Variants in PCDH15 observed in about 807,000 individuals in gnomAD.
PCDH15 encodes protocadherin related 15, also known as protocadherin-15.
Under a neutral mutation model 178.5 loss-of-function variants are expected in PCDH15, and 129 were observed. That is an observed-to-expected ratio of 0.72 (90% CI 0.63 to 0.84). The LOEUF is 0.84. Among genes scored for constraint, PCDH15 ranks in the 40% least tolerant of loss-of-function variants. The probability of loss-of-function intolerance (pLI) is 0.00; values close to 1 mark genes in which losing one functional copy is unlikely to be tolerated. For synonymous variants in PCDH15, 800 were observed against 732.0 expected (o/e 1.09, Z -1.50); for missense variants, 2,230 against 2,099.9 (o/e 1.06, Z -1.21).
chr10:54,337,855 G>A (rs1941488544), intron 6 of PCDH15, among the ~76,000 whole-genome samples: 1 of 152,104 alleles, frequency 6.6e-6, no homozygotes, highest in African/African-American at 2.4e-5. Flanking sequence ...AACCTGGGTG[G>A]GAACTATAGC....
intron 3 of PCDH15, among the ~76,000 whole-genome samples, chr10:54,462,512 C>CTTTTTTTTTTTTTTTTTTTT (rs562731025): frequency 7.5e-5 from 5 of 66,882 alleles, no homozygotes; most frequent in Non-Finnish European, 7.5e-5. Context: ...TTTTTCTTTT[C>CTTTTTTTTTTTTTTTTTTTT]TTTTTTTTTT....
intron 2 of PCDH15, among the ~76,000 whole-genome samples, chr10:54,902,176 TAATC>T (rs1286934338): frequency 1.3e-5 from 2 of 152,208 alleles, no homozygotes; most frequent in East Asian, 1.9e-4. Context: ...TTGTTGGACT[TAATC>T]AATAAGCTCT....
intron 2 of PCDH15, among the ~76,000 whole-genome samples, chr10:55,395,278 CTT>C (rs1334609507): frequency 6.6e-6 from 1 of 151,030 alleles, no homozygotes; most frequent in African/African-American, 2.4e-5. Context: ...TGGGTTCTAA[CTT>C]TAATGCGTTA....
At chr10:55,115,983 C>T (rs921817976) in intron 2 of PCDH15, among the ~76,000 whole-genome samples, 2 of 152,162 alleles carry the variant, frequency 1.3e-5, no homozygotes, top group African/African-American at 4.8e-5. Context: ...AATAGTCCTA[C>T]AGGTATCTAC....
At chr10:55,463,975 G>T (rs867705942) in intron 2 of PCDH15, among the ~76,000 whole-genome samples, 1 of 18,254 alleles carries the variant, frequency 5.5e-5, no homozygotes, top group African/African-American at 5.4e-4. Context: ...GAAAGAAAGA[G>T]AAAGAAAGAA....
At chr10:54,785,842 T>A (rs144271642) in intron 1 of PCDH15, among the ~76,000 whole-genome samples, 146 of 152,078 alleles carry the variant, frequency 9.6e-4, no homozygotes, top group African/African-American at 3.4e-3. Context: ...ACTTATATCT[T>A]CATCACCATC....
At chr10:55,575,867 A>G (rs1842488572) in intron 2 of PCDH15, among the ~76,000 whole-genome samples, 1 of 152,190 alleles carries the variant, frequency 6.6e-6, no homozygotes, top group Non-Finnish European at 1.5e-5. Flanking sequence ...CAGAAAGAAC[A>G]AAACCAAATA....
At chr10:54,152,303 A>G (rs895934469) in intron 14 of PCDH15, among the ~76,000 whole-genome samples, 10 of 152,212 alleles carry the variant, frequency 6.6e-5, no homozygotes, top group Non-Finnish European at 1.3e-4. Context: ...TGAGTGTTAA[A>G]TATTTCTCCA....
intron 2 of PCDH15, among the ~76,000 whole-genome samples, chr10:55,578,586 A>G (rs925650765): frequency 6.6e-6 from 1 of 152,198 alleles, no homozygotes; most frequent in African/African-American, 2.4e-5. Context: ...AATTATACCA[A>G]CCGCACTTTC....
At chr10:54,161,052 GTA>G (rs1159940347) in intron 13 of PCDH15, among the ~76,000 whole-genome samples, 1 of 151,998 alleles carries the variant, frequency 6.6e-6, no homozygotes, top group East Asian at 1.9e-4. Context: ...ACATATATGT[GTA>G]TATATATGTG....
intron 28 of PCDH15, among the ~76,000 whole-genome samples, chr10:53,847,911 TAAAAC>T (rs1470578049): frequency 6.6e-6 from 1 of 152,068 alleles, no homozygotes; most frequent in African/African-American, 2.4e-5. Context: ...GGTAGAAAAT[TAAAAC>T]AAAATTAAAT....
chr10:54,052,934 G>C (rs539953967), intron 18 of PCDH15, among the ~76,000 whole-genome samples: 1 of 152,038 alleles, frequency 6.6e-6, no homozygotes, highest in African/African-American at 2.4e-5. Flanking sequence ...TCCCCGCTTC[G>C]CTCTGAACCT....
chr10:55,416,702 G>C (rs1386739939), intron 2 of PCDH15, among the ~76,000 whole-genome samples: 2 of 151,746 alleles, frequency 1.3e-5, no homozygotes, highest in African/African-American at 4.8e-5. Context: ...TTTGCTGCTG[G>C]GTTAAAGTTA....
chr10:54,083,947 C>A (rs979005549), intron 16 of PCDH15, among the ~76,000 whole-genome samples: 2 of 151,972 alleles, frequency 1.3e-5, no homozygotes, highest in African/African-American at 4.8e-5. Context: ...AAAATTTGGC[C>A]AGGCGCGGTG....
At chr10:54,667,372 C>T (rs994628589) in intron 1 of PCDH15, among the ~76,000 whole-genome samples, 3 of 151,946 alleles carry the variant, frequency 2.0e-5, no homozygotes, top group Non-Finnish European at 4.4e-5. Flanking sequence ...GAAAAGGTAC[C>T]TCCCACAAAG....
intron 15 of PCDH15, among the ~76,000 whole-genome samples, chr10:54,109,011 A>T (rs1279106381): frequency 3.3e-5 from 5 of 152,178 alleles, no homozygotes; most frequent in African/African-American, 4.8e-5. Flanking sequence ...ACCAGCAGTG[A>T]TACCCAGGTA....
intron 2 of PCDH15, among the ~76,000 whole-genome samples, chr10:55,522,879 G>C (rs1204052595): frequency 2.6e-5 from 4 of 150,950 alleles, no homozygotes; most frequent in Non-Finnish European, 4.4e-5. Context: ...TAGTTTCTTT[G>C]TTCTTTTCTT....
intron 1 of PCDH15, among the ~76,000 whole-genome samples, chr10:55,213,506 A>G (rs74772963): frequency 0.021 from 3,197 of 152,010 alleles, 133 homozygotes; most frequent in African/African-American, 0.073. Context: ...CAGATTTTCT[A>G]TGTTAACTTT....
At chr10:55,156,294 A>G (rs1417579040) in intron 2 of PCDH15, among the ~76,000 whole-genome samples, 1 of 152,146 alleles carries the variant, frequency 6.6e-6, no homozygotes, top group Non-Finnish European at 1.5e-5. Flanking sequence ...TAATGAGATC[A>G]TTGCCACACA....
Sources: gnomAD v4.1 joint callset for allele counts (sites outside exome capture counted in the v4.1 genomes callset) on GRCh38, gnomAD v4.1.1 for gene constraint, MANE v1.5 for transcripts, NCBI Gene and HGNC (gene_info 2026-07-23, HGNC 2026-07-21) for gene names.